Variants in FREM2 observed in about 807,000 individuals in gnomAD.
The protein encoded by FREM2 is FRAS1-related extracellular matrix protein 2.
Under a neutral mutation model 219.9 loss-of-function variants are expected in FREM2, and 119 were observed. The observed-to-expected ratio is 0.54, with a 90% confidence interval of 0.47 to 0.63. The LOEUF is 0.63. FREM2 is among the 30% of genes least tolerant of loss of function. FREM2 has a pLI of 0.00. For missense variants in FREM2, 4,030 were observed against 3,993.6 expected (o/e 1.01, Z -0.25); for synonymous variants, 1,562 against 1,522.8 (o/e 1.03, Z -0.60).
chr13:38,874,533 T>C lies in FREM2; in HGVS notation c.8228T>C (p.Val2743Ala), dbSNP rs77361941. Residue 2743 changes from valine to alanine, a missense_variant, in exon 18 of 24, where the codon GTG (valine) becomes GCG (alanine). Coordinates refer to ENST00000280481, the MANE Select transcript of FREM2 (RefSeq NM_207361.6). ...MRIGDEGRLAVHFKTEAQFHG... is the reference protein window; with the variant it reads ...MRIGDEGRLAAHFKTEAQFHG... ...ATCGGTGATGAGGGGCGCTTGGCCGTGCACTTCAAGACAGAGGCTCAGTTC... is the reference window on the plus strand; with the variant it reads ...ATCGGTGATGAGGGGCGCTTGGCCGCGCACTTCAAGACAGAGGCTCAGTTC... 8.7e-5 allele frequency: 140 copies of C among 1,614,150 alleles called. No homozygotes were observed. In the African/African-American group the frequency reaches 1.6e-3, roughly 18 times the overall value.
intron 2 of FREM2, among the ~76,000 whole-genome samples, chr13:38,727,478 C>CA (rs2138115810): frequency 1.3e-5 from 2 of 152,204 alleles, no homozygotes; most frequent in South Asian, 2.1e-4. Flanking sequence ...GACTCCATCT[C>CA]AAAAAACAAA....
chr13:38,803,598 T>TA (rs1188978442), intron 6 of FREM2, among the ~76,000 whole-genome samples: 1 of 151,850 alleles, frequency 6.6e-6, no homozygotes, highest in Non-Finnish European at 1.5e-5. Flanking sequence ...AAGTCAGTGT[T>TA]AACAATATTT....
chr13:38,846,205 G>A (rs190272721), intron 6 of FREM2, among the ~76,000 whole-genome samples: 7 of 149,420 alleles, frequency 4.7e-5, no homozygotes, highest in Admixed American at 4.1e-4. Flanking sequence ...AAAATGAGTG[G>A]CTTGGCCAAA....
rs1201660254 is a variant in FREM2, at chr13:38,878,189, C to G, written c.8727C>G (p.Ser2909=). The change falls in exon 22 of 24, where the codon TCC becomes TCG. Residue 2909 remains serine (S), a synonymous_variant. Transcript: ENST00000280481. ...MVDPVQNLGD[S]FYCSIEKVFL... ...ATCCTGTCCAGAATCTGGGTGACTC[C>G]TTTTACTGCAGCATTGAGAAGGTGT... is the stretch of plus-strand genomic sequence containing the variant. 6.2e-7 allele frequency: 1 copy of G among 1,613,638 alleles called. No homozygotes were observed. The highest frequency in any genetic ancestry group is 8.5e-7 in the Non-Finnish European group (1 of 1,179,838).
At chr13:38,703,966 T>A (rs1027133332) in intron 2 of FREM2, among the ~76,000 whole-genome samples, 2 of 152,192 alleles carry the variant, frequency 1.3e-5, no homozygotes, top group African/African-American at 4.8e-5. Context: ...GTGGCATATG[T>A]TAATAATTTG....
At chr13:38,756,670 G>A (rs1478762455) in intron 2 of FREM2, among the ~76,000 whole-genome samples, 2 of 151,754 alleles carry the variant, frequency 1.3e-5, no homozygotes, top group African/African-American at 4.8e-5. Flanking sequence ...TGAGACTACA[G>A]GCATGTGCCA....
intron 4 of FREM2, among the ~76,000 whole-genome samples, chr13:38,772,692 TC>T (rs1873711583): frequency 9.1e-6 from 1 of 109,606 alleles, no homozygotes; most frequent in Non-Finnish European, 1.8e-5. Context: ...TTTCTTTTTT[TC>T]TCTCTCTCTT....
At chr13:38,742,988 G>T (rs1243954853) in intron 2 of FREM2, among the ~76,000 whole-genome samples, 1 of 152,136 alleles carries the variant, frequency 6.6e-6, no homozygotes, top group African/African-American at 2.4e-5. Flanking sequence ...CACTTTATGG[G>T]TCTAAAACTC....
rs1202194455 is a variant in FREM2 at position 38,689,926 on chromosome 13, T to G, written c.2582T>G (p.Val861Gly). ...ELHVNDVDTD[V>G]AHISFTLTQA... ...CACGTGAATGATGTAGACACTGATG[T>G]TGCCCATATCTCTTTCACTCTCACT... The change falls in exon 1 of 24, where the codon GTT becomes GGT. Residue 861 changes from valine to glycine, a missense_variant. By Grantham distance (109) the Val-to-Gly change is moderately radical (BLOSUM62 -3). Coordinates refer to ENST00000280481, the MANE Select transcript of FREM2 (RefSeq NM_207361.6). 2 of 1,614,192 alleles carry G rather than the reference T, an allele frequency of 1.2e-6. No individual in the cohort carries two copies. Among genetic ancestry groups the G allele is most frequent in the South Asian group, 2.2e-5 (2 of 91,080 alleles).
At position 38,784,735 on chromosome 13, in the gene FREM2, C is replaced by G. The variant is rs2137831772; in HGVS notation, c.5946C>G (p.Ser1982Arg). The G allele has an allele frequency of 1.2e-6, 2 of 1,614,120 alleles. No homozygotes were observed. The highest frequency in any genetic ancestry group is 1.7e-6 in the Non-Finnish European group (2 of 1,179,962). ...AGGAAACCTTCCATGTCCTTCTGAG[C>G]ATGCCCATGGGGGGAAGAATCGGAT... is the stretch of plus-strand genomic sequence containing the variant. ...EEEETFHVLL[S>R]MPMGGRIGSE... Residue 1982 changes from serine (S) to arginine (R), a missense_variant, in exon 6 of 24, where the codon AGC becomes AGG. Ser to Arg is a moderately radical substitution (Grantham distance 110). This residue lies in a region of FREM2 where 3,102 missense variants were observed against 2,950.7 expected (regional missense o/e 1.05). Transcript: ENST00000280481.
Position 38,770,040 on chromosome 13 carries a change from G to C in FREM2, c.5641+232G>C, listed in dbSNP as rs982108298. Among the ~76,000 whole-genome samples, 17 of 147,632 alleles carry C rather than the reference G, an allele frequency of 1.2e-4. No homozygotes were observed. In the South Asian group the frequency reaches 2.9e-3, roughly 25 times the overall value. ...TGTATAATATATAAATATTTATATA[G>C]TATATATAAATTGTATTAATAGATT... On this transcript the variant is annotated intron_variant, in intron 4 of 23. Transcript: ENST00000280481.
rs182719308 is a variant in FREM2 at position 38,801,383 on chromosome 13, T to C, written c.6019+16575T>C. Among the ~76,000 whole-genome samples, 191 of 152,330 alleles carry C rather than the reference T, an allele frequency of 1.3e-3. 1 individual carries two copies. Among genetic ancestry groups the C allele is most frequent in the African/African-American group, 4.4e-3 (182 of 41,572 alleles). ...GTTGTTGGAGAATTATCATGCTTAT[T>C]TGAAGATTTCTTTCCATGCTTTTTC... On this transcript the variant is annotated intron_variant, in intron 6 of 23. Coordinates refer to ENST00000280481, the MANE Select transcript of FREM2 (RefSeq NM_207361.6).
chr13:38,832,947 A>G (rs9603446), intron 6 of FREM2, among the ~76,000 whole-genome samples: 26,205 of 151,970 alleles, frequency 0.17, 4,835 homozygotes, highest in African/African-American at 0.47. Flanking sequence ...GCTGAGACAG[A>G]AGATTTGCTT....
intron 7 of FREM2, 62 bp downstream of exon 7, chr13:38,846,784 A>G: frequency 6.4e-7 from 1 of 1,570,206 alleles, no homozygotes. Context: ...CATGGCACAA[A>G]TTTATTTAAA....
rs75159772 is a variant in FREM2, at chr13:38,840,787, G to A, written c.6020-5786G>A. Among the ~76,000 whole-genome samples, 174 of 151,672 alleles carry A rather than the reference G, an allele frequency of 1.1e-3. 2 individuals carry two copies. In the East Asian group the frequency reaches 0.032, roughly 28 times the overall value. On this transcript the variant is annotated intron_variant, in intron 6 of 23. Coordinates refer to ENST00000280481, the MANE Select transcript of FREM2 (RefSeq NM_207361.6). ...TAGTCTGGTAGTCCATTTTGTGAAA[G>A]AACTGAATTTAATCCCTTTCTGATG...
At chr13:38,721,864 G>T (rs1174535358) in intron 2 of FREM2, among the ~76,000 whole-genome samples, 1 of 152,154 alleles carries the variant, frequency 6.6e-6, no homozygotes, top group Non-Finnish European at 1.5e-5. Context: ...ATTTGGAGAT[G>T]ATGGCTGTTT....
At chr13:38,775,361 G>C (rs1045929345) in intron 4 of FREM2, among the ~76,000 whole-genome samples, 2 of 152,228 alleles carry the variant, frequency 1.3e-5, no homozygotes, top group African/African-American at 4.8e-5. Context: ...GCAGGCATGA[G>C]AGAGCTTCAA....
chr13:38,709,986 TACACACACACACACACACACACAC>T (rs59108347), intron 2 of FREM2, among the ~76,000 whole-genome samples: 78 of 130,416 alleles, frequency 6.0e-4, no homozygotes, highest in African/African-American at 1.8e-3. Flanking sequence ...TAACTAAAAA[TACACACACACACACACACACACAC>T]ACACACACAC....
intron 2 of FREM2, among the ~76,000 whole-genome samples, chr13:38,701,497 G>A (rs1870340388): frequency 6.6e-6 from 1 of 152,034 alleles, no homozygotes; most frequent in Non-Finnish European, 1.5e-5. Flanking sequence ...CAGTACTCTG[G>A]AATTTTGTTA....
Sources: allele counts gnomAD v4.1 joint callset (sites outside exome capture counted in the v4.1 genomes callset), GRCh38; gene constraint gnomAD v4.1.1; regional missense constraint gnomAD v4.1.1; transcripts MANE v1.5; gene names NCBI Gene and HGNC (gene_info 2026-07-23, HGNC 2026-07-21).